CNTN3: variants seen among roughly 807,000 people sequenced by gnomAD.
The protein encoded by CNTN3 is contactin-3.
CNTN3 carries 60 observed loss-of-function variants against 119.1 expected under a neutral mutation model. The observed-to-expected ratio is 0.50, with a 90% CI of 0.41 to 0.62. CNTN3 has a LOEUF of 0.62. CNTN3 is among the 20% of genes least tolerant of loss of function. The pLI is 0.00. For synonymous variants in CNTN3, 450 were observed against 438.7 expected, an observed-to-expected ratio of 1.03 and a Z score of -0.32; for missense variants, 1,101 against 1,242.4, an observed-to-expected ratio of 0.89 and a Z score of 1.71.
At chr3:74,447,671 C>T (rs1371399207) in intron 4 of CNTN3, among the ~76,000 whole-genome samples, 3 of 152,066 alleles carry the variant, frequency 2.0e-5, no homozygotes, top group South Asian at 2.1e-4. Flanking sequence ...CCCTCACCAC[C>T]TGTCCTATTT....
chr3:74,397,625 A>G (rs1335994531), intron 5 of CNTN3, among the ~76,000 whole-genome samples: 2 of 152,164 alleles, frequency 1.3e-5, no homozygotes, highest in Non-Finnish European at 2.9e-5. Flanking sequence ...TGTTCAAGTG[A>G]AAGGAAGAAT....
At chr3:74,453,873 C>A (rs908502761) in intron 4 of CNTN3, among the ~76,000 whole-genome samples, 34 of 152,072 alleles carry the variant, frequency 2.2e-4, no homozygotes, top group African/African-American at 6.8e-4. Flanking sequence ...GCACTGTGGT[C>A]TGAGAGAGAG....
intron 1 of CNTN3, among the ~76,000 whole-genome samples, chr3:74,544,228 C>T (rs992353534): frequency 2.0e-5 from 3 of 152,166 alleles, no homozygotes; most frequent in Non-Finnish European, 4.4e-5. Flanking sequence ...ATATATTATG[C>T]TATGAACTTA....
At chr3:74,347,032 G>A (rs79679280) in intron 11 of CNTN3, among the ~76,000 whole-genome samples, 275 of 152,250 alleles carry the variant, frequency 1.8e-3, no homozygotes, top group African/African-American at 6.5e-3. Flanking sequence ...TATTTGTTGA[G>A]TACTTAAAAT....
At chr3:74,398,887 TTTAA>T (rs1263976146) in intron 5 of CNTN3, among the ~76,000 whole-genome samples, 5 of 152,172 alleles carry the variant, frequency 3.3e-5, no homozygotes, top group Non-Finnish European at 7.4e-5. Flanking sequence ...AGAAAAACTG[TTTAA>T]TTGACACATA....
intron 5 of CNTN3, among the ~76,000 whole-genome samples, chr3:74,377,706 T>G (rs1321035188): frequency 1.3e-5 from 2 of 152,110 alleles, no homozygotes; most frequent in Non-Finnish European, 2.9e-5. Context: ...AGTCAAAAAG[T>G]TTTGCCAATC....
chr3:74,323,771 G>A (rs1238426591), intron 13 of CNTN3, among the ~76,000 whole-genome samples: 1 of 152,058 alleles, frequency 6.6e-6, no homozygotes, highest in Non-Finnish European at 1.5e-5. Context: ...TTTGCAAGAT[G>A]TACTCATGAA....
intron 1 of CNTN3, among the ~76,000 whole-genome samples, chr3:74,535,274 A>G (rs1240944144): frequency 6.6e-6 from 1 of 152,120 alleles, no homozygotes; most frequent in East Asian, 1.9e-4. Context: ...ATCTAGGTGT[A>G]TAAAACATTC....
At chr3:74,388,486 G>T (rs1704814074) in intron 5 of CNTN3, among the ~76,000 whole-genome samples, 1 of 151,850 alleles carries the variant, frequency 6.6e-6, no homozygotes. Flanking sequence ...GTTAAAAAAA[G>T]GAAAAACACA....
intron 13 of CNTN3, among the ~76,000 whole-genome samples, chr3:74,310,450 T>A (rs1413057310): frequency 6.6e-6 from 1 of 152,130 alleles, no homozygotes; most frequent in African/African-American, 2.4e-5. Flanking sequence ...GGTGGGGGGC[T>A]TGATTGGAAA....
intron 1 of CNTN3, among the ~76,000 whole-genome samples, chr3:74,549,517 C>A (rs1703960297): frequency 6.6e-6 from 1 of 152,090 alleles, no homozygotes; most frequent in East Asian, 1.9e-4. Context: ...GATGGAAAAT[C>A]CTAACAAGAT....
At chr3:74,384,966 ATGTACTGAAGGGCC>A in intron 5 of CNTN3, among the ~76,000 whole-genome samples, 1 of 152,266 alleles carries the variant, frequency 6.6e-6, no homozygotes, top group Non-Finnish European at 1.5e-5. Context: ...TTCCGCTGGC[ATGTACTGAAGGGCC>A]TTTCTAGGTT....
Position 74,486,531 on chromosome 3 carries a change from T to A in CNTN3, c.283A>T (p.Thr95Ser). 2.5e-6 allele frequency: 4 copies of A among 1,610,226 alleles called. No homozygotes were observed. The highest frequency in any genetic ancestry group is 3.4e-6 in the Non-Finnish European group (4 of 1,179,076). The change falls in exon 4 of 23, where the codon ACA (threonine) becomes TCA (serine). Residue 95 changes from threonine to serine, a missense_variant. Transcript: ENST00000263665. ...GTTGCAAAACATTGGTAAGTTCCTGTATCCCAATTTCTGTTGGGATTAATA... is the reference window on the plus strand; with the variant it reads ...GTTGCAAAACATTGGTAAGTTCCTGAATCCCAATTTCTGTTGGGATTAATA... ...VVINPNRNWD[T>S]GTYQCFATNS...
chr3:74,289,356 AC>A (rs1702180451), intron 19 of CNTN3, among the ~76,000 whole-genome samples: 1 of 151,962 alleles, frequency 6.6e-6, no homozygotes, highest in African/African-American at 2.4e-5. Context: ...TCTATTTGCT[AC>A]TCTTTACACA....
At position 74,456,924 on chromosome 3, in the gene CNTN3, T is replaced by C. The variant is rs956271761; in HGVS notation, c.358+29532A>G. Among the ~76,000 whole-genome samples, 66 of 152,198 alleles carry C rather than the reference T, an allele frequency of 4.3e-4. 1 individual carries two copies. Among genetic ancestry groups the C allele is most frequent in the African/African-American group, 1.5e-3 (64 of 41,564 alleles). The stretch of plus-strand genomic sequence containing the variant: ...TCTATTTACCAATAAGTTTTTTTTA[T>C]GTACACTCCACATACTATAAAAATA... On this transcript the variant is annotated intron_variant, in intron 4 of 22. Coordinates refer to ENST00000263665, the MANE Select transcript of CNTN3 (RefSeq NM_020872.3).
At position 74,274,905 on chromosome 3, in the gene CNTN3, T is replaced by A. The variant is rs557484190; in HGVS notation, c.2705-7527A>T. Among the ~76,000 whole-genome samples, 28 of 151,904 alleles carry A rather than the reference T, an allele frequency of 1.8e-4. No homozygotes were observed. The South Asian group carries it at 5.9e-3, about 32-fold the overall frequency. ...GCCCAATACAAGGAAATCCAAAAAA[T>A]GAAACAAGAAGTGAAGGAAGAAATA... On this transcript the variant is annotated intron_variant, in intron 20 of 22. Transcript: ENST00000263665.
chr3:74,574,199 C>T (rs956353226), intron 1 of CNTN3, among the ~76,000 whole-genome samples: 2 of 152,036 alleles, frequency 1.3e-5, no homozygotes, highest in Admixed American at 6.6e-5. Flanking sequence ...CAAAAGGCCA[C>T]GTATTTTATG....
chr3:74,451,407 G>A (rs530250961), intron 4 of CNTN3, among the ~76,000 whole-genome samples: 2 of 152,070 alleles, frequency 1.3e-5, no homozygotes, highest in Non-Finnish European at 2.9e-5. Flanking sequence ...GTAGATTCTG[G>A]ATATTAGCCC....
chr3:74,340,754 G>T (rs994709932), intron 11 of CNTN3, among the ~76,000 whole-genome samples: 7 of 152,074 alleles, frequency 4.6e-5, no homozygotes, highest in African/African-American at 1.7e-4. Flanking sequence ...AGAAGCTGGG[G>T]ATCTACCACT....
Sources: gnomAD v4.1 joint callset for allele counts (sites outside exome capture counted in the v4.1 genomes callset) on GRCh38, gnomAD v4.1.1 for gene constraint, MANE v1.5 for transcripts, NCBI Gene and HGNC (gene_info 2026-07-23, HGNC 2026-07-21) for gene names.